The following CXCR1 variants were observed in gnomAD, a reference collection of about 807,000 sequenced individuals.
The protein encoded by CXCR1 is C-X-C chemokine receptor type 1.
For synonymous variants in CXCR1, 180 were observed against 184.7 expected (o/e 0.97, Z 0.21); for missense variants, 419 against 440.5 (o/e 0.95, Z 0.44).
chr2:218,165,354 G>C (rs16858816), intron 1 of CXCR1, 110 bp from the exon 2 acceptor site: 5 of 825,910 alleles, frequency 6.1e-6, no homozygotes, highest in East Asian at 5.2e-5. Context: ...TGTTGGTTTG[G>C]CAATGAGAGC....
intron 1 of CXCR1, among the ~76,000 whole-genome samples, chr2:218,165,940 A>G (rs904619360): frequency 1.3e-5 from 2 of 152,158 alleles, no homozygotes; most frequent in Non-Finnish European, 2.9e-5. Flanking sequence ...CCTATTGTGA[A>G]ATAGTTTACT....
At chr2:218,166,613 T>C (rs934714553) in intron 1 of CXCR1, among the ~76,000 whole-genome samples, 2 of 152,148 alleles carry the variant, frequency 1.3e-5, no homozygotes, top group African/African-American at 4.8e-5. Context: ...TTTTAGTGTG[T>C]TCCCTCCCTA....
At chr2:218,165,789 T>C (rs1484620025) in intron 1 of CXCR1, among the ~76,000 whole-genome samples, 1 of 152,230 alleles carries the variant, frequency 6.6e-6, no homozygotes, top group Non-Finnish European at 1.5e-5. Context: ...TTAAGCCTTC[T>C]TTAAATGAGG....
At position 218,164,579 on chromosome 2, in the gene CXCR1, G is replaced by T. The variant is rs142076386; in HGVS notation, c.633C>A (p.Phe211Leu). 5,390 of 1,614,240 alleles carry T rather than the reference G, an allele frequency of 3.3e-3. 181 individuals carry two copies. The South Asian group carries it at 0.055, about 16-fold the overall frequency. Reference sequence around the variant, plus strand: ...ACAGCATGACAAACAGCGGCACGATGAAGCCAAAGGTGTGAGGCAGGATCC... The same window carrying T: ...ACAGCATGACAAACAGCGGCACGATTAAGCCAAAGGTGTGAGGCAGGATCC... ...VLRILPHTFG[F>L]IVPLFVMLFC... is the part of the protein sequence containing the mutation. Residue 211 changes from phenylalanine (F) to leucine (L), a missense_variant, in exon 2 of 2, where the codon TTC (phenylalanine) becomes TTA (leucine). Phe to Leu is a conservative substitution (Grantham distance 22). Transcript: ENST00000295683.
At chr2:218,166,201 G>T (rs1691281127) in intron 1 of CXCR1, among the ~76,000 whole-genome samples, 1 of 152,076 alleles carries the variant, frequency 6.6e-6, no homozygotes, top group Non-Finnish European at 1.5e-5. Context: ...CCTTTGGGAG[G>T]CCAAGGCAGG....
rs932672939 is a variant in CXCR1, at chr2:218,164,050, C to T, written c.*109G>A. ...ACTTCCCCACATCCTATAGCGTCCC[C>T]CCAAAACCCAGATAGTGCCTGTCCA... On this transcript the variant is annotated 3_prime_UTR_variant, in exon 2 of 2. Transcript: ENST00000295683. 6.1e-5 allele frequency: 84 copies of T among 1,384,654 alleles called. No individual in the cohort carries two copies. In the East Asian group the frequency reaches 1.6e-3, roughly 26 times the overall value. The allele number at this position is 1,384,654 out of a possible 1,614,324, so 85.8% of individuals were successfully genotyped here. A position where few individuals can be genotyped will look rare whatever the true frequency, so the allele number is the denominator to read the frequency against.
intron 1 of CXCR1, among the ~76,000 whole-genome samples, chr2:218,165,605 T>C (rs1179503123): frequency 6.6e-6 from 1 of 152,206 alleles, no homozygotes; most frequent in Admixed American, 6.5e-5. Context: ...ACCAGGTTGG[T>C]CTTAGACATT....
rs764714676 is a variant in CXCR1, at chr2:218,164,256, A to T, written c.956T>A (p.Ile319Asn). 2 of 1,612,932 alleles carry T rather than the reference A, an allele frequency of 1.2e-6. No homozygotes were observed. Among genetic ancestry groups the T allele is most frequent in the Non-Finnish European group, 1.7e-6 (2 of 1,178,934 alleles). The change falls in exon 2 of 2, where the codon ATC becomes AAC. Residue 319 changes from isoleucine to asparagine, a missense_variant. Ile to Asn is a moderately radical substitution (Grantham distance 149, BLOSUM62 -3). Transcript: ENST00000295683. ...GQNFRHGFLKILAMHGLVSKE... is the reference protein window; with the variant it reads ...GQNFRHGFLKNLAMHGLVSKE... ...GCTGACCAGGCCATGCATAGCCAGGATCTTGAGGAATCCATGGCGAAAATT... is the reference window on the plus strand; with the variant it reads ...GCTGACCAGGCCATGCATAGCCAGGTTCTTGAGGAATCCATGGCGAAAATT...
chr2:218,164,781 C>A lies in CXCR1; in HGVS notation c.431G>T (p.Arg144Leu). The change falls in exon 2 of 2, where the codon CGC (arginine) becomes CTC (leucine). Residue 144 changes from arginine to leucine, a missense_variant. Transcript: ENST00000295683. ...DRYLAIVHAT[R>L]TLTQKRHLVK... ...CAAGTGACGCTTCTGGGTCAGTGTG[C>A]GTGTGGCATGGACAATGGCCAGGTA... 1 of 1,614,226 alleles carries A rather than the reference C, an allele frequency of 6.2e-7. No homozygotes were observed. The highest frequency in any genetic ancestry group is 8.5e-7 in the Non-Finnish European group (1 of 1,180,040).
Position 218,164,519 on chromosome 2 carries a change from C to T in CXCR1, c.693G>A (p.Lys231=), listed in dbSNP as rs905625033. Residue 231 remains lysine (K), a synonymous_variant, in exon 2 of 2, where the codon AAG becomes AAA. Transcript: ENST00000295683. ...CYGFTLRTLF[K]AHMGQKHRAM... ...CTCGGTGCTTCTGCCCCATGTGGGC[C>T]TTAAACAGTGTACGCAGGGTGAATC... The T allele has an allele frequency of 2.2e-5, 36 of 1,614,068 alleles. No homozygotes were observed. The highest frequency in any genetic ancestry group is 8.0e-5 in the African/African-American group (6 of 74,910).
Position 218,164,961 on chromosome 2 carries a change from G to T in CXCR1, c.251C>A (p.Ala84Asp), listed in dbSNP as rs1483936401. The change falls in exon 2 of 2, where the codon GCC becomes GAC. Residue 84 changes from alanine to aspartate, a missense_variant. Transcript: ENST00000295683. ...TDVYLLNLAL[A>D]DLLFALTLPI... ...CAAGGTCAGGGCAAAGAGTAGGTCG[G>T]CCAAGGCCAGGTTCAGCAGGTAGAC... 2 of 1,614,124 alleles carry T rather than the reference G, an allele frequency of 1.2e-6. No individual in the cohort carries two copies. The highest frequency in any genetic ancestry group is 1.1e-5 in the South Asian group (1 of 91,090).
rs576815288 is a variant in CXCR1 at position 218,165,260 on chromosome 2, G to T, written c.-33-16C>A. ...TTTGATCTAACTGGAAGGTTAGAAG[G>T]AAGGAAATGTGATTTAGTAGCTCGG... On this transcript the variant is annotated splice_polypyrimidine_tract_variant and intron_variant, in intron 1 of 1. Coordinates refer to ENST00000295683, the MANE Select transcript of CXCR1 (RefSeq NM_000634.3). The T allele has an allele frequency of 6.5e-7, 1 of 1,550,304 alleles. No homozygotes were observed. The highest frequency in any genetic ancestry group is 1.1e-5 in the South Asian group (1 of 89,922).
rs147031882 is a variant in CXCR1, at chr2:218,165,000, C to T, written c.212G>A (p.Arg71His). The T allele has an allele frequency of 1.3e-5, 21 of 1,614,236 alleles. No homozygotes were observed. Among genetic ancestry groups the T allele is most frequent in the Admixed American group, 6.7e-5 (4 of 60,026 alleles). The change falls in exon 2 of 2, where the codon CGC (arginine) becomes CAC (histidine). Residue 71 changes from arginine (R) to histidine (H), a missense_variant. Physicochemically the swap from Arg to His is conservative, Grantham distance 29. Coordinates refer to ENST00000295683, the MANE Select transcript of CXCR1 (RefSeq NM_000634.3). The stretch of plus-strand genomic sequence containing the variant: ...CAGCAGGTAGACATCAGTGACGGAG[C>T]GGCCGACCCTGCTGTATAAGATGAC... ...MLVILYSRVGRSVTDVYLLNL... is the reference protein window; with the variant it reads ...MLVILYSRVGHSVTDVYLLNL...
At position 218,164,088 on chromosome 2, in the gene CXCR1, C is replaced by T. The variant is rs1691234372; in HGVS notation, c.*71G>A. On this transcript the variant is annotated 3_prime_UTR_variant, in exon 2 of 2. Coordinates refer to ENST00000295683, the MANE Select transcript of CXCR1 (RefSeq NM_000634.3). ...TAGTGCCTGTCCAGAGCCAGATCAC[C>T]TTCCACACACAACCTCAGGGTGTTG... 2.5e-6 allele frequency: 4 copies of T among 1,578,210 alleles called. No individual in the cohort carries two copies. In the East Asian group the frequency reaches 8.9e-5, roughly 35 times the overall value.
Position 218,164,575 on chromosome 2 carries a change from C to A in CXCR1, c.637G>T (p.Val213Leu). 1 of 1,614,140 alleles carries A rather than the reference C, an allele frequency of 6.2e-7. No homozygotes were observed. Among genetic ancestry groups the A allele is most frequent in the South Asian group, 1.1e-5 (1 of 91,080 alleles). ...CAGAACAGCATGACAAACAGCGGCA[C>A]GATGAAGCCAAAGGTGTGAGGCAGG... ...RILPHTFGFI[V>L]PLFVMLFCYG... The change falls in exon 2 of 2, where the codon GTG becomes TTG. Residue 213 changes from valine (V) to leucine (L), a missense_variant. Val to Leu is a conservative substitution (Grantham distance 32, BLOSUM62 1). Coordinates refer to ENST00000295683, the MANE Select transcript of CXCR1 (RefSeq NM_000634.3).
Position 218,165,259 on chromosome 2 carries a change from G to A in CXCR1, c.-33-15C>T. 5.8e-6 allele frequency: 9 copies of A among 1,548,478 alleles called. No homozygotes were observed. The highest frequency in any genetic ancestry group is 7.1e-6 in the Non-Finnish European group (8 of 1,124,274). On this transcript the variant is annotated splice_polypyrimidine_tract_variant and intron_variant, in intron 1 of 1. Coordinates refer to ENST00000295683, the MANE Select transcript of CXCR1 (RefSeq NM_000634.3). ...GTTTGATCTAACTGGAAGGTTAGAAGGAAGGAAATGTGATTTAGTAGCTCG... is the reference window on the plus strand; with the variant it reads ...GTTTGATCTAACTGGAAGGTTAGAAAGAAGGAAATGTGATTTAGTAGCTCG...
Position 218,164,660 on chromosome 2 carries a change from A to C in CXCR1, c.552T>G (p.Ser184Arg), listed in dbSNP as rs762210437. 2 of 1,614,222 alleles carry C rather than the reference A, an allele frequency of 1.2e-6. No individual in the cohort carries two copies. The highest frequency in any genetic ancestry group is 1.7e-6 in the Non-Finnish European group (2 of 1,180,040). ...TTCCCAGGACCTCATAGCAAACTGG[A>C]CTGGAATTGTTTGGATGGTAAGCCT... ...FRQAYHPNNS[S>R]PVCYEVLGND... The change falls in exon 2 of 2, where the codon AGT becomes AGG. Residue 184 changes from serine (S) to arginine (R), a missense_variant. Transcript: ENST00000295683.
rs2106120903 is a variant in CXCR1, at chr2:218,165,032, C to T, written c.180G>A (p.Val60=). The change falls in exon 2 of 2, where the codon GTG becomes GTA. Residue 60 remains valine, a synonymous_variant. Transcript: ENST00000295683. ...FLLSLLGNSL[V]MLVILYSRVG... ...CCCTGCTGTATAAGATGACCAGCAT[C>T]ACCAGGGAGTTTCCCAGCAGGCTCA... 1 of 1,614,246 alleles carries T rather than the reference C, an allele frequency of 6.2e-7. No homozygotes were observed. The highest frequency in any genetic ancestry group is 8.5e-7 in the Non-Finnish European group (1 of 1,180,042).
chr2:218,165,315 A>G (rs1266036746), intron 1 of CXCR1, 71 bp from the exon 2 acceptor site: 9 of 1,150,616 alleles, frequency 7.8e-6, no homozygotes, highest in Non-Finnish European at 1.2e-5. Flanking sequence ...ATGATGTGAG[A>G]GCAGTTACTG....
Sources: gnomAD v4.1 joint callset for allele counts (sites outside exome capture counted in the v4.1 genomes callset) on GRCh38, gnomAD v4.1.1 for gene constraint, MANE v1.5 for transcripts, NCBI Gene and HGNC (gene_info 2026-07-23, HGNC 2026-07-21) for gene names.